PNPLA3: variants seen among roughly 807,000 people sequenced by gnomAD.
The protein encoded by PNPLA3 is patatin like domain 3, 1-acylglycerol-3-phosphate O-acyltransferase.
In PNPLA3, 42 loss-of-function variants were observed where a neutral mutation model predicts 43.1. That is an observed-to-expected ratio of 0.97 (90% CI 0.76 to 1.26). The LOEUF is 1.26. Among genes scored for constraint, PNPLA3 ranks in the 50% most tolerant of loss-of-function variants. The pLI is 0.00. For missense variants in PNPLA3, 647 were observed against 621.4 expected, an observed-to-expected ratio of 1.04 and a Z score of -0.44; for synonymous variants, 272 against 253.6, an observed-to-expected ratio of 1.07 and a Z score of -0.69.
Position 43,934,044 on chromosome 22 carries a change from C to T in PNPLA3, c.697-562C>T, listed in dbSNP as rs180922353. ...CAAAGAAACAAGCTCCTGCCAGGCG[C>T]GGTGGCTCACGCCTGTAATCCCAGC... On this transcript the variant is annotated intron_variant, in intron 4 of 8. Transcript: ENST00000216180. Among the ~76,000 whole-genome samples the T allele has an allele frequency of 2.0e-3, 310 of 152,234 alleles. 3 individuals carry two copies. The highest frequency in any genetic ancestry group is 7.0e-3 in the African/African-American group (290 of 41,538).
At chr22:43,932,379 GC>G (rs1396296113) in intron 3 of PNPLA3, among the ~76,000 whole-genome samples, 1 of 152,160 alleles carries the variant, frequency 6.6e-6, no homozygotes, top group African/African-American at 2.4e-5. Context: ...GGGGAGATGG[GC>G]TCATGGGTTA....
At position 43,947,425 on chromosome 22, in the gene PNPLA3, A is replaced by G. The variant is rs1441236149; in HGVS notation, c.*1043A>G. On this transcript the variant is annotated 3_prime_UTR_variant, in exon 9 of 9. Transcript: ENST00000216180. The stretch of plus-strand genomic sequence containing the variant: ...GGGCATTCACCTCAGCCCCCCAGGC[A>G]GGAGCCAAGCACAGCAGGAGCTTCC... The G allele has an allele frequency of 1.3e-5, 2 of 156,802 alleles. No homozygotes were observed. Among genetic ancestry groups the G allele is most frequent in the African/African-American group, 4.8e-5 (2 of 41,486 alleles). The allele number at this position is 156,802 out of a possible 1,614,324, so 9.7% of individuals were successfully genotyped here.
In PNPLA3 at chr22:43,940,123, G is replaced by C; in HGVS notation, c.1110G>C (p.Gln370His). 6.2e-7 allele frequency: 1 copy of C among 1,614,048 alleles called. No individual in the cohort carries two copies. The highest frequency in any genetic ancestry group is 8.5e-7 in the Non-Finnish European group (1 of 1,179,906). ...TGGAATCTGCCATTGCGATTGTCCA[G>C]AGGTGAGCATTTTAGGTGGCTCCGT... ...LPVESAIAIV[Q>H]RLVTWLPDMP... The change falls in exon 7 of 9, where the codon CAG (glutamine) becomes CAC (histidine). Residue 370 changes from glutamine to histidine, a missense_variant and splice_region_variant. Gln to His is a conservative substitution (Grantham distance 24). Transcript: ENST00000216180.
intron 7 of PNPLA3, among the ~76,000 whole-genome samples, chr22:43,943,999 C>T (rs992018739): frequency 2.6e-5 from 4 of 152,098 alleles, no homozygotes; most frequent in African/African-American, 7.2e-5. Flanking sequence ...TGTTGGCCAG[C>T]CTGGTCTCAA....
chr22:43,935,495 G>A (rs576351739), intron 5 of PNPLA3, among the ~76,000 whole-genome samples: 1 of 152,186 alleles, frequency 6.6e-6, no homozygotes, highest in Admixed American at 6.5e-5. Context: ...GGATGCTGGA[G>A]GCTCATGCAG....
intron 8 of PNPLA3, 103 bp downstream of exon 8, chr22:43,944,898 G>T (rs2050053294): frequency 9.6e-7 from 1 of 1,044,760 alleles, no homozygotes. Context: ...ACCAAGCAAG[G>T]AGCTTGCCCT....
intron 6 of PNPLA3, among the ~76,000 whole-genome samples, chr22:43,939,069 G>A (rs1252028818): frequency 6.6e-6 from 1 of 152,120 alleles, no homozygotes; most frequent in Non-Finnish European, 1.5e-5. Context: ...GGGATTACAG[G>A]TGCACACCAC....
chr22:43,928,578 GC>G (rs2049940354), intron 2 of PNPLA3, among the ~76,000 whole-genome samples: 1 of 151,690 alleles, frequency 6.6e-6, no homozygotes, highest in Non-Finnish European at 1.5e-5. Flanking sequence ...CTCATGGGGA[GC>G]AAGGAGAGGA....
chr22:43,941,326 T>TCCTCTGATTGGGCTG (rs2050029796), intron 7 of PNPLA3, among the ~76,000 whole-genome samples: 1 of 131,422 alleles, frequency 7.6e-6, no homozygotes, highest in Non-Finnish European at 1.6e-5. Context: ...TGATTGGGCT[T>TCCTCTGATTGGGCTG]CCTCTGAAAG....
In PNPLA3 at chr22:43,946,775, G is replaced by GAGGGA; in HGVS notation, c.*396_*400dup. 1.9e-6 allele frequency: 1 copy of GAGGGA among 524,342 alleles called. No homozygotes were observed. Among genetic ancestry groups the GAGGGA allele is most frequent in the South Asian group, 1.4e-5 (1 of 71,400 alleles). 32.5% of individuals were successfully genotyped at this position (524,342 alleles called of 1,614,324 possible). A position where few individuals can be genotyped will look rare whatever the true frequency, so the allele number is the denominator to read the frequency against. On this transcript the variant is annotated 3_prime_UTR_variant, in exon 9 of 9. Coordinates refer to ENST00000216180, the MANE Select transcript of PNPLA3 (RefSeq NM_025225.3). ...GGCCCATGTGTGATCTTGTGGGGTG[G>GAGGGA]AGGGAAGAGAATAGCATGATCCCAC...
intron 3 of PNPLA3, among the ~76,000 whole-genome samples, chr22:43,931,917 A>G (rs2049964189): frequency 6.6e-6 from 1 of 152,228 alleles, no homozygotes; most frequent in South Asian, 2.1e-4. Context: ...TCTGGACTCC[A>G]GGCAAGAATC....
At chr22:43,927,223 G>T in intron 2 of PNPLA3, 56 bp downstream of exon 2, 1 of 1,525,282 alleles carries the variant, frequency 6.6e-7, no homozygotes. Flanking sequence ...TTTGGGATGG[G>T]TGTGGTGGCT....
chr22:43,927,133 T>A lies in PNPLA3; in HGVS notation c.386T>A (p.Val129Glu), dbSNP rs2146774441. The A allele has an allele frequency of 6.2e-7, 1 of 1,614,210 alleles. No homozygotes were observed. Among genetic ancestry groups the A allele is most frequent in the East Asian group, 2.2e-5 (1 of 44,886 alleles). Reference protein sequence around the residue: ...TRVSDGENVLVSDFRSKDEVV... With the variant: ...TRVSDGENVLESDFRSKDEVV... ...GTGTCTGATGGGGAAAACGTTCTGG[T>A]GTCTGACTTTCGGTCCAAAGACGAA... The change falls in exon 2 of 9, where the codon GTG (valine) becomes GAG (glutamate). Residue 129 changes from valine (V) to glutamate (E), a missense_variant. Transcript: ENST00000216180.
rs756065013 is a variant in PNPLA3 at position 43,926,957 on chromosome 22, A to G, written c.210A>G (p.Ser70=). 3.7e-6 allele frequency: 6 copies of G among 1,614,230 alleles called. No individual in the cohort carries two copies. Among genetic ancestry groups the G allele is most frequent in the Non-Finnish European group, 4.2e-6 (5 of 1,180,034 alleles). ...CAGAGCAGACTCTGCAGGTCCTCTCAGATCTTGTGCGGAAGGCCAGGAGTC... is the reference window on the plus strand; with the variant it reads ...CAGAGCAGACTCTGCAGGTCCTCTCGGATCTTGTGCGGAAGGCCAGGAGTC... ...IPLEQTLQVL[S]DLVRKARSRN... is the part of the protein sequence containing the mutation. Residue 70 remains serine (S), a synonymous_variant, in exon 2 of 9, where the codon TCA becomes TCG. Coordinates refer to ENST00000216180, the MANE Select transcript of PNPLA3 (RefSeq NM_025225.3).
At chr22:43,938,351 T>C (rs1182204513) in intron 6 of PNPLA3, among the ~76,000 whole-genome samples, 1 of 152,174 alleles carries the variant, frequency 6.6e-6, no homozygotes, top group East Asian at 1.9e-4. Context: ...TGTTCTCACA[T>C]TGCTATAAAG....
chr22:43,924,387 C>T (rs2049907788), intron 1 of PNPLA3: 2 of 411,704 alleles, frequency 4.9e-6, no homozygotes, highest in Non-Finnish European at 8.6e-6. Context: ...GGGAGACCCT[C>T]ACCTCCGGAC....
At chr22:43,926,245 T>A (rs950394025) in intron 1 of PNPLA3, among the ~76,000 whole-genome samples, 1 of 152,192 alleles carries the variant, frequency 6.6e-6, no homozygotes, top group Non-Finnish European at 1.5e-5. Flanking sequence ...AAGATCAGAT[T>A]TGGGTCAGGA....
intron 6 of PNPLA3, among the ~76,000 whole-genome samples, 161 bp downstream of exon 6, chr22:43,937,433 C>T (rs556885986): frequency 6.6e-6 from 1 of 152,328 alleles, no homozygotes; most frequent in Admixed American, 6.5e-5. Flanking sequence ...GCTGCCATCA[C>T]TCCCAGCACA....
chr22:43,940,226 C>A, intron 7 of PNPLA3, 101 bp downstream of exon 7: 1 of 1,365,996 alleles, frequency 7.3e-7, no homozygotes, highest in Non-Finnish European at 1.0e-6. Context: ...CCTGGATTGT[C>A]GTGCCACAGA....
Sources: allele counts gnomAD v4.1 joint callset (sites outside exome capture counted in the v4.1 genomes callset), GRCh38; gene constraint gnomAD v4.1.1; transcripts MANE v1.5; gene names NCBI Gene and HGNC (gene_info 2026-07-23, HGNC 2026-07-21).